Variants in CD2AP observed in about 807,000 individuals in gnomAD.
The protein encoded by CD2AP is CD2-associated protein.
A neutral mutation model predicts 85.1 loss-of-function variants in CD2AP; 46 were observed. That is an observed-to-expected ratio of 0.54 (90% confidence interval 0.43 to 0.69). The LOEUF (loss-of-function observed/expected upper bound fraction) is 0.69, where lower values mean the gene tolerates loss of function less well. Ranked by LOEUF, CD2AP falls within the 30% of genes least tolerant of loss-of-function variation. The probability of loss-of-function intolerance (pLI) is 0.00; values close to 1 mark genes in which losing one functional copy is unlikely to be tolerated. For synonymous variants in CD2AP, 255 were observed against 252.9 expected, an observed-to-expected ratio of 1.01 and a Z score of -0.08; for missense variants, 769 against 729.5, an observed-to-expected ratio of 1.05 and a Z score of -0.62.
rs138104337 is a variant in CD2AP at position 47,533,784 on chromosome 6, T to C, written c.319+29T>C. ...TGTAAATAATTCCTTTCCTGCATAA[T>C]TACATCAAAATAGAAGGATATTTTA... On this transcript the variant is annotated intron_variant, in intron 3 of 17. Coordinates refer to ENST00000359314, the MANE Select transcript of CD2AP (RefSeq NM_012120.3). 2.2e-5 allele frequency: 35 copies of C among 1,607,628 alleles called. No individual in the cohort carries two copies. In the African/African-American group the frequency reaches 3.9e-4, roughly 18 times the overall value.
chr6:47,579,628 T>C, intron 9 of CD2AP, 139 bp downstream of exon 9: 1 of 639,226 alleles, frequency 1.6e-6, no homozygotes, highest in Non-Finnish European at 2.8e-6. Context: ...TAGGAGTTAT[T>C]TGAGTTATAG....
rs1273901809 is a variant in CD2AP at position 47,576,836 on chromosome 6, T to C, written c.809-173T>C. On this transcript the variant is annotated intron_variant, in intron 7 of 17. Coordinates refer to ENST00000359314, the MANE Select transcript of CD2AP (RefSeq NM_012120.3). ...ACAGTAAATATTTGAATGAATGGAT[T>C]AATGAAATTGTTACTTAACATACGG... Among the ~76,000 whole-genome samples, 3 of 152,158 alleles carry C rather than the reference T, an allele frequency of 2.0e-5. 1 individual carries two copies. Among genetic ancestry groups the C allele is most frequent in the Non-Finnish European group, 1.5e-5 (1 of 68,020 alleles).
At chr6:47,592,608 A>G (rs1260425472) in intron 11 of CD2AP, among the ~76,000 whole-genome samples, 1 of 152,122 alleles carries the variant, frequency 6.6e-6, no homozygotes, top group East Asian at 1.9e-4. Context: ...CTGAGTTTAT[A>G]TTAATGAGGA....
At chr6:47,579,547 T>C in intron 9 of CD2AP, 58 bp downstream of exon 9, 1 of 1,122,208 alleles carries the variant, frequency 8.9e-7, no homozygotes, top group Non-Finnish European at 1.4e-6. Flanking sequence ...CCACTATTCT[T>C]TTGCAAACAA....
intron 5 of CD2AP, among the ~76,000 whole-genome samples, chr6:47,558,329 G>T (rs775911715): frequency 6.6e-6 from 1 of 152,134 alleles, no homozygotes; most frequent in African/African-American, 2.4e-5. Context: ...TCTCTTGCCT[G>T]ATTGCCCTGG....
chr6:47,497,666 A>C (rs1053747469), intron 1 of CD2AP, among the ~76,000 whole-genome samples: 2 of 152,172 alleles, frequency 1.3e-5, no homozygotes, highest in African/African-American at 4.8e-5. Context: ...CACCCACCTC[A>C]ACCTCCCAAA....
At chr6:47,481,886 A>G (rs1181563037) in intron 1 of CD2AP, among the ~76,000 whole-genome samples, 1 of 152,148 alleles carries the variant, frequency 6.6e-6, no homozygotes, top group Non-Finnish European at 1.5e-5. Context: ...CTGCTTCCCA[A>G]GTAGCCAGGG....
chr6:47,491,760 T>C (rs1400259436), intron 1 of CD2AP, among the ~76,000 whole-genome samples: 2 of 152,138 alleles, frequency 1.3e-5, no homozygotes, highest in African/African-American at 4.8e-5. Context: ...AAAAAAATTA[T>C]GGATTTTAAG....
At chr6:47,502,989 T>C (rs891222491) in intron 1 of CD2AP, among the ~76,000 whole-genome samples, 1 of 152,206 alleles carries the variant, frequency 6.6e-6, no homozygotes, top group Non-Finnish European at 1.5e-5. Flanking sequence ...TCAGAGTCTG[T>C]CTGCTACAAA....
intron 17 of CD2AP, among the ~76,000 whole-genome samples, chr6:47,623,359 A>C (rs1375096716): frequency 6.6e-6 from 1 of 152,212 alleles, no homozygotes; most frequent in Non-Finnish European, 1.5e-5. Context: ...TCATGCAGGG[A>C]AAGGTTAAAG....
chr6:47,576,348 T>C (rs532623692), intron 6 of CD2AP, among the ~76,000 whole-genome samples, 176 bp from the exon 7 acceptor site: 3 of 152,328 alleles, frequency 2.0e-5, no homozygotes, highest in Non-Finnish European at 4.4e-5. Flanking sequence ...CTCTGAGCTA[T>C]GATTTAAGGA....
chr6:47,542,384 A>G (rs1284888238), intron 3 of CD2AP, among the ~76,000 whole-genome samples: 1 of 152,230 alleles, frequency 6.6e-6, no homozygotes, highest in African/African-American at 2.4e-5. Context: ...TCATTCAAAA[A>G]TATGTAGCAG....
At chr6:47,505,595 G>A (rs1451203625) in intron 2 of CD2AP, among the ~76,000 whole-genome samples, 1 of 134,106 alleles carries the variant, frequency 7.5e-6, no homozygotes, top group African/African-American at 2.7e-5. Context: ...TCACCTCCCG[G>A]ACGGGGCGGC....
intron 11 of CD2AP, among the ~76,000 whole-genome samples, chr6:47,590,486 A>G (rs982825098): frequency 2.6e-5 from 4 of 152,204 alleles, no homozygotes; most frequent in Non-Finnish European, 4.4e-5. Context: ...CTTGAACAAC[A>G]TGAGTTTGAA....
chr6:47,595,274 T>G (rs1490283635), intron 11 of CD2AP, among the ~76,000 whole-genome samples: 1 of 152,040 alleles, frequency 6.6e-6, no homozygotes, highest in Non-Finnish European at 1.5e-5. Flanking sequence ...TTTCATTGCA[T>G]TATTAAATGA....
intron 1 of CD2AP, among the ~76,000 whole-genome samples, chr6:47,485,826 C>T (rs981211126): frequency 8.5e-5 from 13 of 152,088 alleles, no homozygotes; most frequent in African/African-American, 3.1e-4. Flanking sequence ...TTACAGTTGC[C>T]TACAGTATTG....
chr6:47,527,862 C>G (rs1766769842), intron 2 of CD2AP, among the ~76,000 whole-genome samples: 1 of 152,118 alleles, frequency 6.6e-6, no homozygotes, highest in African/African-American at 2.4e-5. Flanking sequence ...AGTTCAGAGT[C>G]AAGAAAATTG....
intron 3 of CD2AP, among the ~76,000 whole-genome samples, chr6:47,537,162 T>A (rs576738448): frequency 6.6e-6 from 1 of 152,240 alleles, no homozygotes; most frequent in African/African-American, 2.4e-5. Context: ...ACAATGCCAG[T>A]CTACACATTA....
intron 9 of CD2AP, 85 bp from the exon 10 acceptor site, chr6:47,580,779 A>T (rs942490859): frequency 1.1e-6 from 1 of 915,824 alleles, no homozygotes; most frequent in Non-Finnish European, 1.8e-6. Flanking sequence ...CATTTGTATA[A>T]TTTAGATTAT....
Sources: allele counts gnomAD v4.1 joint callset (sites outside exome capture counted in the v4.1 genomes callset), GRCh38; gene constraint gnomAD v4.1.1; transcripts MANE v1.5; gene names NCBI Gene and HGNC (gene_info 2026-07-23, HGNC 2026-07-21).